GRM5: variants seen among roughly 807,000 people sequenced by gnomAD.
GRM5 encodes glutamate metabotropic receptor 5.
GRM5 carries 19 observed loss-of-function variants against 83.1 expected under a neutral mutation model. That is an observed-to-expected ratio of 0.23 (90% CI 0.16 to 0.34). The LOEUF (loss-of-function observed/expected upper bound fraction) is 0.34. GRM5 is among the 10% of genes least tolerant of loss of function. GRM5 has a pLI of 1.00. For synonymous variants in GRM5, 675 were observed against 633.6 expected (o/e 1.07, Z -0.98); for missense variants, 1,160 against 1,588.3 (o/e 0.73, Z 4.58).
chr11:89,004,832 C>G (rs192745822), intron 2 of GRM5, among the ~76,000 whole-genome samples: 2 of 152,292 alleles, frequency 1.3e-5, no homozygotes, highest in African/African-American at 4.8e-5. Flanking sequence ...ATCCCATATG[C>G]AAATAGATGA....
intron 2 of GRM5, among the ~76,000 whole-genome samples, chr11:88,853,920 A>T (rs1944427714): frequency 6.6e-6 from 1 of 151,624 alleles, no homozygotes; most frequent in Non-Finnish European, 1.5e-5. Flanking sequence ...AACTAAAAAC[A>T]GAATTATCAT....
intron 2 of GRM5, among the ~76,000 whole-genome samples, chr11:88,861,806 C>T (rs1330085268): frequency 6.6e-6 from 1 of 152,016 alleles, no homozygotes; most frequent in Non-Finnish European, 1.5e-5. Context: ...AGATATCTTC[C>T]ACTGTGCTGT....
At chr11:89,043,207 C>G (rs12225194) in intron 2 of GRM5, among the ~76,000 whole-genome samples, 7,661 of 152,170 alleles carry the variant, frequency 0.05, 327 homozygotes, top group African/African-American at 0.12. Flanking sequence ...AGTCTTTGAG[C>G]ACATATTATA....
At chr11:88,568,880 G>A (rs992461268) in intron 7 of GRM5, among the ~76,000 whole-genome samples, 3 of 152,088 alleles carry the variant, frequency 2.0e-5, no homozygotes, top group Non-Finnish European at 4.4e-5. Context: ...GACCCCAAAG[G>A]CAAACAATTG....
chr11:88,778,025 T>G (rs1942894920), intron 3 of GRM5, among the ~76,000 whole-genome samples: 1 of 141,928 alleles, frequency 7.0e-6, no homozygotes, highest in Non-Finnish European at 1.7e-5. Flanking sequence ...GCAGAAATTG[T>G]CTGCTGCCTT....
chr11:88,591,720 A>G (rs1267850538), intron 6 of GRM5, among the ~76,000 whole-genome samples: 3 of 152,214 alleles, frequency 2.0e-5, no homozygotes, highest in Non-Finnish European at 4.4e-5. Context: ...TTTTTGTAGT[A>G]TTTCTTGTGT....
chr11:88,784,885 T>A lies in GRM5; in HGVS notation c.911+65021A>T, dbSNP rs564944213. Among the ~76,000 whole-genome samples, 4 of 152,210 alleles carry A rather than the reference T, an allele frequency of 2.6e-5. No homozygotes were observed. The South Asian group carries it at 6.2e-4, about 24-fold the overall frequency. ...TTTAACTGTTCTATCCATCACATAA[T>A]CTCTTCTTGTAAATTTATCATGAAA... On this transcript the variant is annotated intron_variant, in intron 3 of 9. Transcript: ENST00000305447.
chr11:88,564,480 G>A (rs1942828804), intron 8 of GRM5, among the ~76,000 whole-genome samples: 1 of 152,168 alleles, frequency 6.6e-6, no homozygotes, highest in Non-Finnish European at 1.5e-5. Flanking sequence ...AGTAAAGCAA[G>A]GGATCAGTGA....
intron 3 of GRM5, among the ~76,000 whole-genome samples, chr11:88,768,035 G>A (rs949779687): frequency 4.6e-5 from 7 of 151,752 alleles, no homozygotes; most frequent in African/African-American, 1.7e-4. Flanking sequence ...CAGTATGATG[G>A]GTCCTTAAAA....
chr11:88,929,837 A>G (rs1285157159), intron 2 of GRM5, among the ~76,000 whole-genome samples: 1 of 152,168 alleles, frequency 6.6e-6, no homozygotes, highest in African/African-American at 2.4e-5. Flanking sequence ...CTGAATCACT[A>G]TATGCATAAG....
chr11:89,052,895 C>A (rs1277507384), intron 1 of GRM5, among the ~76,000 whole-genome samples: 4 of 152,054 alleles, frequency 2.6e-5, no homozygotes, highest in Non-Finnish European at 5.9e-5. Flanking sequence ...CTTCATTTTA[C>A]AAATGATGTA....
chr11:88,704,327 C>T (rs10831297), intron 3 of GRM5, among the ~76,000 whole-genome samples: 1 of 151,898 alleles, frequency 6.6e-6, no homozygotes, highest in Admixed American at 6.6e-5. Context: ...GACCTTGCCC[C>T]AAGTTAGGTG....
intron 1 of GRM5, among the ~76,000 whole-genome samples, chr11:89,060,329 T>C (rs533728): frequency 1.3e-5 from 2 of 151,824 alleles, no homozygotes; most frequent in African/African-American, 2.4e-5. Context: ...AAATATATGT[T>C]TCCTTATTTT....
At chr11:88,554,184 C>T (rs748078896) in intron 8 of GRM5, among the ~76,000 whole-genome samples, 9 of 152,010 alleles carry the variant, frequency 5.9e-5, no homozygotes, top group South Asian at 2.1e-4. Context: ...TTGTATTTTT[C>T]GGCTTCTAGA....
chr11:88,962,070 A>G (rs1363920840), intron 2 of GRM5, among the ~76,000 whole-genome samples: 1 of 152,242 alleles, frequency 6.6e-6, no homozygotes, highest in Non-Finnish European at 1.5e-5. Flanking sequence ...ATAAACTGAG[A>G]TGCATAAGTA....
chr11:88,712,216 T>C (rs1309685869), intron 3 of GRM5, among the ~76,000 whole-genome samples: 1 of 152,058 alleles, frequency 6.6e-6, no homozygotes, highest in East Asian at 1.9e-4. Flanking sequence ...TTGTAAAAAA[T>C]TAACATATTG....
At chr11:88,923,377 A>C (rs1457060220) in intron 2 of GRM5, among the ~76,000 whole-genome samples, 1 of 152,200 alleles carries the variant, frequency 6.6e-6, no homozygotes, top group Admixed American at 6.5e-5. Context: ...GCATAAAAAA[A>C]TGAGACCCTG....
At chr11:88,719,666 A>C (rs1693485791) in intron 3 of GRM5, among the ~76,000 whole-genome samples, 2 of 151,984 alleles carry the variant, frequency 1.3e-5, no homozygotes, top group South Asian at 4.1e-4. Flanking sequence ...TGAACTAATA[A>C]TTTACACTCC....
intron 7 of GRM5, among the ~76,000 whole-genome samples, chr11:88,579,096 C>A (rs990010547): frequency 1.3e-5 from 2 of 152,076 alleles, no homozygotes; most frequent in Non-Finnish European, 2.9e-5. Flanking sequence ...ATGATTCCAA[C>A]CTTTTTTAAA....
Sources: allele counts gnomAD v4.1 joint callset (sites outside exome capture counted in the v4.1 genomes callset), GRCh38; gene constraint gnomAD v4.1.1; transcripts MANE v1.5; gene names NCBI Gene and HGNC (gene_info 2026-07-23, HGNC 2026-07-21).